Variants in HS3ST1 observed in about 807,000 individuals in gnomAD.
The protein encoded by HS3ST1 is heparan sulfate glucosamine 3-O-sulfotransferase 1.
A neutral mutation model predicts 20.7 loss-of-function variants in HS3ST1; 8 were observed. That is an observed-to-expected ratio of 0.39 (90% confidence interval 0.23 to 0.70). HS3ST1 has a LOEUF of 0.70. Among genes scored for constraint, HS3ST1 ranks in the 30% least tolerant of loss-of-function variants. The pLI is 0.46. For missense variants in HS3ST1, 436 were observed against 423.4 expected (o/e 1.03, Z -0.26); for synonymous variants, 205 against 190.4 (o/e 1.08, Z -0.63).
At chr4:11,420,194 C>A (rs908920277) in intron 1 of HS3ST1, among the ~76,000 whole-genome samples, 2 of 152,222 alleles carry the variant, frequency 1.3e-5, no homozygotes, top group Admixed American at 1.3e-4. Context: ...AGCAGTACCT[C>A]ACTATTGAAG....
chr4:11,403,244 C>A (rs923384931), intron 1 of HS3ST1, among the ~76,000 whole-genome samples: 3 of 152,078 alleles, frequency 2.0e-5, no homozygotes, highest in Admixed American at 1.3e-4. Context: ...TATAGTATAA[C>A]CTGTTTTATA....
At chr4:11,431,179 C>A (rs1228891424), upstream of HS3ST1, among the ~76,000 whole-genome samples, 1 of 149,618 alleles carries the variant, frequency 6.7e-6, no homozygotes, top group African/African-American at 2.5e-5. Context: ...TCCATGGTAT[C>A]TGAATCCCAG....
chr4:11,432,146 A>G (rs535359768), upstream of HS3ST1, among the ~76,000 whole-genome samples: 1 of 152,092 alleles, frequency 6.6e-6, no homozygotes, highest in Non-Finnish European at 1.5e-5. Context: ...GTAATAGGAG[A>G]CGGGAGGTCA....
chr4:11,410,115 C>A (rs922563865), intron 1 of HS3ST1, among the ~76,000 whole-genome samples: 2 of 152,160 alleles, frequency 1.3e-5, no homozygotes, highest in African/African-American at 4.8e-5. Flanking sequence ...TATGCTTTGC[C>A]CATAGGTGAT....
chr4:11,426,613 C>G (rs1299754809), intron 1 of HS3ST1, among the ~76,000 whole-genome samples: 2 of 152,312 alleles, frequency 1.3e-5, no homozygotes, highest in East Asian at 3.9e-4. Context: ...TGTGGCATCA[C>G]AGAGGATCCA....
intron 1 of HS3ST1, among the ~76,000 whole-genome samples, chr4:11,416,940 G>A (rs1442216038): frequency 6.6e-6 from 1 of 152,184 alleles, no homozygotes; most frequent in Non-Finnish European, 1.5e-5. Context: ...AAGGGAGAAC[G>A]TACAAAAGTT....
chr4:11,407,827 G>T (rs1261776746), intron 1 of HS3ST1, among the ~76,000 whole-genome samples: 1 of 152,214 alleles, frequency 6.6e-6, no homozygotes, highest in Admixed American at 6.5e-5. Context: ...AGAGGCCTGG[G>T]ATTCTGTATT....
Position 11,395,536 on chromosome 4 carries a change from G to T in HS3ST1, c.*3546C>A, listed in dbSNP as rs1718113245. On this transcript the variant is annotated 3_prime_UTR_variant, in exon 2 of 2. Transcript: ENST00000002596. The stretch of plus-strand genomic sequence containing the variant: ...TCTGTTGCCCAGGCTGGAGTGCAGT[G>T]GCATCATCTCGGCCCCCTGCAACCT... 1 of 143,182 alleles carries T rather than the reference G, an allele frequency of 7.0e-6. No individual in the cohort carries two copies. The highest frequency in any genetic ancestry group is 1.5e-5 in the Non-Finnish European group (1 of 66,698). The allele number at this position is 143,182 out of a possible 1,614,324, so 8.9% of individuals were successfully genotyped here.
At chr4:11,419,682 C>T (rs950585416) in intron 1 of HS3ST1, among the ~76,000 whole-genome samples, 1 of 151,976 alleles carries the variant, frequency 6.6e-6, no homozygotes, top group South Asian at 2.1e-4. Context: ...AAGTAGGGGC[C>T]TTCTAGTAAT....
chr4:11,426,115 T>C (rs569908867), intron 1 of HS3ST1, among the ~76,000 whole-genome samples: 29 of 152,286 alleles, frequency 1.9e-4, no homozygotes, highest in African/African-American at 6.7e-4. Context: ...GCCTACAGGC[T>C]CAATTTCATC....
intron 1 of HS3ST1, among the ~76,000 whole-genome samples, chr4:11,403,678 T>C (rs1718388091): frequency 6.6e-6 from 1 of 152,214 alleles, no homozygotes; most frequent in African/African-American, 2.4e-5. Context: ...GACAACTCCC[T>C]GGCCACCAAC....
chr4:11,431,484 CT>C (rs1719205088), upstream of HS3ST1, among the ~76,000 whole-genome samples: 2 of 152,084 alleles, frequency 1.3e-5, no homozygotes. Flanking sequence ...ATCTCGAAGT[CT>C]TTATTGAGCA....
Position 11,399,349 on chromosome 4 carries a change from G to A in HS3ST1, c.657C>T (p.Arg219=). The A allele has an allele frequency of 6.2e-7, 1 of 1,614,028 alleles. No homozygotes were observed. The highest frequency in any genetic ancestry group is 8.5e-7 in the Non-Finnish European group (1 of 1,180,008). ...LRHIHIVDGD[R]LIRDPFPEIQ... ...TCTCAGGGAAGGGGTCCCTGATGAG[G>A]CGGTCGCCGTCCACAATGTGGATGT... is the stretch of plus-strand genomic sequence containing the variant. Residue 219 remains arginine (R), a synonymous_variant, in exon 2 of 2, where the codon CGC becomes CGT. Transcript: ENST00000002596. The surrounding 1 kb of genome is among the most constrained non-coding windows in gnomAD (Gnocchi z 5.1).
chr4:11,434,303 A>G (rs768829865), upstream of HS3ST1, among the ~76,000 whole-genome samples: 4 of 152,172 alleles, frequency 2.6e-5, no homozygotes, highest in Admixed American at 6.6e-5. Context: ...ACAAAAATTA[A>G]TTTAATTTTC....
In HS3ST1 at chr4:11,399,188, G is replaced by A. The variant is rs866243263; in HGVS notation, c.818C>T (p.Ala273Val). ...TAGTTTGGGATCGACTTGGGGGTGCGCCCGGCCTTTGGACTCATGTAAGCA... is the reference window on the plus strand; with the variant it reads ...TAGTTTGGGATCGACTTGGGGGTGCACCCGGCCTTTGGACTCATGTAAGCA... ...DRCLHESKGRAHPQVDPKLLN... is the reference protein window; with the variant it reads ...DRCLHESKGRVHPQVDPKLLN... Residue 273 changes from alanine (A) to valine (V), a missense_variant, in exon 2 of 2, where the codon GCG (alanine) becomes GTG (valine). Coordinates refer to ENST00000002596, the MANE Select transcript of HS3ST1 (RefSeq NM_005114.4). The surrounding 1 kb of genome is among the most constrained non-coding windows in gnomAD (Gnocchi z 5.1). 3 of 1,614,134 alleles carry A rather than the reference G, an allele frequency of 1.9e-6. No individual in the cohort carries two copies. The highest frequency in any genetic ancestry group is 1.7e-6 in the Non-Finnish European group (2 of 1,180,020).
At position 11,422,519 on chromosome 4, in the gene HS3ST1, T is replaced by C. The variant is rs113521613; in HGVS notation, c.-109+6180A>G. 1.1e-3 allele frequency among the ~76,000 whole-genome samples: 163 copies of C among 152,326 alleles called. 1 individual carries two copies. Among genetic ancestry groups the C allele is most frequent in the African/African-American group, 3.7e-3 (153 of 41,564 alleles). On this transcript the variant is annotated intron_variant, in intron 1 of 1. Coordinates refer to ENST00000002596, the MANE Select transcript of HS3ST1 (RefSeq NM_005114.4). ...GAAGGTGATGAAAGGGAAATATTCT[T>C]GGGATGGTCCATCTCATGAGACAGG... is the stretch of plus-strand genomic sequence containing the variant.
rs1326125031 is a variant in HS3ST1, at chr4:11,394,220, G to C, written c.*4862C>G. On this transcript the variant is annotated 3_prime_UTR_variant, in exon 2 of 2. Transcript: ENST00000002596. ...ATGGAGAAGGAAATGGAGGTTCTCA[G>C]AGTCTGAATCTAAGATCCCATGGTC... 6.6e-6 allele frequency: 1 copy of C among 152,194 alleles called. No homozygotes were observed. Among genetic ancestry groups the C allele is most frequent in the Non-Finnish European group, 1.5e-5 (1 of 68,044 alleles). The allele number at this position is 152,194 out of a possible 1,614,324, so 9.4% of individuals were successfully genotyped here. A position where few individuals can be genotyped will look rare whatever the true frequency, so the allele number is the denominator to read the frequency against.
At chr4:11,421,250 C>T (rs114699753) in intron 1 of HS3ST1, among the ~76,000 whole-genome samples, 178 of 152,312 alleles carry the variant, frequency 1.2e-3, no homozygotes, top group Middle Eastern at 3.4e-3. Context: ...TAGTGAGAAC[C>T]AGGCCAGAAA....
At chr4:11,410,476 G>A (rs1718591173) in intron 1 of HS3ST1, among the ~76,000 whole-genome samples, 1 of 152,216 alleles carries the variant, frequency 6.6e-6, no homozygotes, top group Non-Finnish European at 1.5e-5. Flanking sequence ...GGGGTACAAG[G>A]AAAGCCTCAG....
Sources: gnomAD v4.1 joint callset for allele counts (sites outside exome capture counted in the v4.1 genomes callset) on GRCh38, gnomAD v4.1.1 for gene constraint, Gnocchi (gnomAD v3.1) non-coding constraint, MANE v1.5 for transcripts, NCBI Gene and HGNC (gene_info 2026-07-23, HGNC 2026-07-21) for gene names.